The following PELI2 variants were observed in gnomAD, a reference collection of about 807,000 sequenced individuals.
PELI2 encodes E3 ubiquitin-protein ligase pellino homolog 2.
Under a neutral mutation model 42.3 loss-of-function variants are expected in PELI2, and 23 were observed. The ratio of observed to expected loss-of-function variants is 0.54; its 90% confidence interval spans 0.39 to 0.77. PELI2 has a LOEUF of 0.77. Among genes scored for constraint, PELI2 ranks in the 30% least tolerant of loss-of-function variants. The pLI, the probability that PELI2 is intolerant of heterozygous loss-of-function variation, is 0.00. For missense variants in PELI2, 463 were observed against 553.2 expected (o/e 0.84, Z 1.64); for synonymous variants, 245 against 212.2 (o/e 1.15, Z -1.34).
intron 2 of PELI2, among the ~76,000 whole-genome samples, chr14:56,214,895 T>C (rs938876856): frequency 1.3e-5 from 2 of 152,170 alleles, no homozygotes; most frequent in South Asian, 2.1e-4. Context: ...CAGTGCAGCA[T>C]TGCCAGCGTT....
chr14:56,275,357 T>G (rs1889254834), intron 2 of PELI2, among the ~76,000 whole-genome samples: 2 of 152,220 alleles, frequency 1.3e-5, no homozygotes, highest in Non-Finnish European at 2.9e-5. Flanking sequence ...TTGGGATGAT[T>G]CAAGCACGTT....
chr14:56,169,412 T>A (rs557699899), intron 1 of PELI2, among the ~76,000 whole-genome samples: 2 of 152,296 alleles, frequency 1.3e-5, no homozygotes, highest in Admixed American at 1.3e-4. Context: ...GTTTAAATGC[T>A]CCCTCCGTGG....
intron 2 of PELI2, among the ~76,000 whole-genome samples, chr14:56,231,355 G>T (rs550464886): frequency 3.5e-4 from 54 of 152,264 alleles, no homozygotes; most frequent in African/African-American, 1.2e-3. Flanking sequence ...CACATAGCTG[G>T]AAGTAAAGCA....
At chr14:56,268,822 T>C (rs985438252) in intron 2 of PELI2, among the ~76,000 whole-genome samples, 4 of 152,080 alleles carry the variant, frequency 2.6e-5, no homozygotes, top group African/African-American at 9.7e-5. Flanking sequence ...TTCAGAGCAT[T>C]GCCTCACACT....
intron 2 of PELI2, among the ~76,000 whole-genome samples, chr14:56,217,515 G>A (rs565847332): frequency 3.9e-5 from 6 of 152,326 alleles, no homozygotes; most frequent in East Asian, 1.9e-4. Flanking sequence ...GAGGTCCCCC[G>A]TCTGCCACTT....
intron 2 of PELI2, among the ~76,000 whole-genome samples, chr14:56,246,796 C>G (rs1330830407): frequency 6.6e-6 from 1 of 152,168 alleles, no homozygotes; most frequent in Non-Finnish European, 1.5e-5. Context: ...TCTCCTATCC[C>G]ATTTAATTAT....
intron 2 of PELI2, among the ~76,000 whole-genome samples, chr14:56,208,390 A>G (rs1886590942): frequency 6.6e-6 from 1 of 152,234 alleles, no homozygotes. Flanking sequence ...GGCACAGCAG[A>G]ATCTGCTCTA....
At chr14:56,175,369 A>G (rs927400777) in intron 1 of PELI2, among the ~76,000 whole-genome samples, 1 of 152,210 alleles carries the variant, frequency 6.6e-6, no homozygotes, top group Non-Finnish European at 1.5e-5. Context: ...GCCTTGTGCT[A>G]TAAGTGCATC....
At chr14:56,141,554 A>G (rs1159217518) in intron 1 of PELI2, among the ~76,000 whole-genome samples, 1 of 152,242 alleles carries the variant, frequency 6.6e-6, no homozygotes, top group Non-Finnish European at 1.5e-5. Flanking sequence ...TAATTTATAA[A>G]GAAAAGAGGT....
intron 1 of PELI2, among the ~76,000 whole-genome samples, chr14:56,121,106 T>C (rs1187731667): frequency 1.3e-5 from 2 of 152,192 alleles, no homozygotes; most frequent in Non-Finnish European, 2.9e-5. Flanking sequence ...ATATTATCTT[T>C]ATGTCCTCTG....
chr14:56,197,466 A>T lies in PELI2; in HGVS notation c.207+19002A>T, dbSNP rs1405860936. On this transcript the variant is annotated intron_variant, in intron 2 of 5. Transcript: ENST00000267460. The surrounding 1 kb of genome is among the most constrained non-coding windows in gnomAD (Gnocchi z 4.9). ...TTGGCTTTAATCTGGTTGCAATAGG[A>T]AGCTGTTGGGTGTTTGGGGAGACAT... is the stretch of plus-strand genomic sequence containing the variant. 6.6e-6 allele frequency among the ~76,000 whole-genome samples: 1 copy of T among 152,014 alleles called. No individual in the cohort carries two copies. Among genetic ancestry groups the T allele is most frequent in the Non-Finnish European group, 1.5e-5 (1 of 68,004 alleles).
intron 1 of PELI2, among the ~76,000 whole-genome samples, chr14:56,139,129 T>G (rs1566601478): frequency 6.6e-6 from 1 of 152,158 alleles, no homozygotes; most frequent in Non-Finnish European, 1.5e-5. Flanking sequence ...TCGCACACCC[T>G]AAATGATAGG....
intron 2 of PELI2, among the ~76,000 whole-genome samples, chr14:56,186,295 G>T (rs1480672903): frequency 6.6e-6 from 1 of 152,134 alleles, no homozygotes; most frequent in Non-Finnish European, 1.5e-5. Flanking sequence ...TAATCACATG[G>T]AACTCAATCC....
At chr14:56,159,082 T>C (rs529061461) in intron 1 of PELI2, among the ~76,000 whole-genome samples, 2 of 152,350 alleles carry the variant, frequency 1.3e-5, no homozygotes, top group East Asian at 1.9e-4. Context: ...AGTCTTTAGA[T>C]ACAGAGGAAG....
At chr14:56,171,142 T>C (rs1023691366) in intron 1 of PELI2, among the ~76,000 whole-genome samples, 1 of 152,118 alleles carries the variant, frequency 6.6e-6, no homozygotes, top group Non-Finnish European at 1.5e-5. Flanking sequence ...GTTGCTATGG[T>C]TTGAATGTGC....
At chr14:56,151,646 G>A (rs191766236) in intron 1 of PELI2, among the ~76,000 whole-genome samples, 42 of 152,166 alleles carry the variant, frequency 2.8e-4, no homozygotes, top group Non-Finnish European at 4.6e-4. Context: ...CTTAGATGAG[G>A]ATATTAACAG....
intron 1 of PELI2, among the ~76,000 whole-genome samples, chr14:56,139,953 A>G (rs1413916759): frequency 1.3e-5 from 2 of 151,562 alleles, no homozygotes; most frequent in Non-Finnish European, 2.9e-5. Flanking sequence ...TTGCTGTTAA[A>G]ATTTCTGGCT....
At chr14:56,128,888 G>T (rs1286934880) in intron 1 of PELI2, among the ~76,000 whole-genome samples, 1 of 152,008 alleles carries the variant, frequency 6.6e-6, no homozygotes, top group Non-Finnish European at 1.5e-5. Flanking sequence ...ATTTGTTTTT[G>T]GGGGAGGGCA....
intron 1 of PELI2, among the ~76,000 whole-genome samples, chr14:56,152,012 T>C (rs529458262): frequency 6.2e-4 from 94 of 152,310 alleles, no homozygotes; most frequent in African/African-American, 2.1e-3. Context: ...TCCCAGGTAG[T>C]TGGTCCCACT....
Sources: gnomAD v4.1 joint callset for allele counts (sites outside exome capture counted in the v4.1 genomes callset) on GRCh38, gnomAD v4.1.1 for gene constraint, Gnocchi (gnomAD v3.1) non-coding constraint, MANE v1.5 for transcripts, NCBI Gene and HGNC (gene_info 2026-07-23, HGNC 2026-07-21) for gene names.